CCL28: variants seen among roughly 807,000 people sequenced by gnomAD.
The protein encoded by CCL28 is C-C motif chemokine ligand 28.
In CCL28, 4 loss-of-function variants were observed where a neutral mutation model predicts 7.1. The ratio of observed to expected loss-of-function variants is 0.56; its 90% CI spans 0.28 to 1.29. CCL28 has a LOEUF of 1.29. Among genes scored for constraint, CCL28 ranks in the 50% most tolerant of loss-of-function variants. CCL28 has a pLI of 0.11. For synonymous variants in CCL28, 55 were observed against 57.8 expected, an observed-to-expected ratio of 0.95 and a Z score of 0.22; for missense variants, 151 against 163.4, an observed-to-expected ratio of 0.92 and a Z score of 0.41.
At chr5:43,369,994 T>G in the CCL28 span, among the ~76,000 whole-genome samples, 1 of 152,180 alleles carries the variant, frequency 6.6e-6, no homozygotes, top group African/African-American at 2.4e-5. Context: ...GGAGAAAGAC[T>G]AGATCCTGTG....
At chr5:43,375,636 TATGCACAAG>T (rs1332307421), downstream of CCL28, among the ~76,000 whole-genome samples, 3 of 152,100 alleles carry the variant, frequency 2.0e-5, no homozygotes, top group African/African-American at 7.2e-5. Context: ...AAGAGCTTCA[TATGCACAAG>T]TGGTCATCTC....
chr5:43,407,110 G>C (rs957294526), intron 1 of CCL28, among the ~76,000 whole-genome samples: 2 of 152,262 alleles, frequency 1.3e-5, no homozygotes, highest in Admixed American at 1.3e-4. Flanking sequence ...GAAGCTACCA[G>C]TGACTTTCTT....
At chr5:43,409,115 A>G (rs1028726883) in intron 1 of CCL28, among the ~76,000 whole-genome samples, 4 of 152,008 alleles carry the variant, frequency 2.6e-5, no homozygotes, top group African/African-American at 7.2e-5. Context: ...CTATCTCTAC[A>G]AGAAAAATTT....
chr5:43,394,060 T>C (rs113975011), intron 1 of CCL28, among the ~76,000 whole-genome samples: 2 of 152,204 alleles, frequency 1.3e-5, no homozygotes, highest in African/African-American at 2.4e-5. Context: ...GAATCTTTCA[T>C]TGGCAGGATT....
rs1282970010 is a variant in CCL28, at chr5:43,388,336, T to C, written c.191+14A>G. ...ACTGTGCAGGTTTAGACCTCCCGGC[T>C]GATGAGCACTCACATGACAGCAGCC... is the stretch of plus-strand genomic sequence containing the variant. On this transcript the variant is annotated intron_variant, in intron 2 of 2. Coordinates refer to ENST00000361115, the MANE Select transcript of CCL28 (RefSeq NM_148672.3). 8.7e-6 allele frequency: 14 copies of C among 1,613,996 alleles called. No individual in the cohort carries two copies. The highest frequency in any genetic ancestry group is 1.2e-5 in the Non-Finnish European group (14 of 1,179,946).
the CCL28 span, among the ~76,000 whole-genome samples, chr5:43,363,756 A>C: frequency 1.3e-5 from 2 of 152,102 alleles, no homozygotes; most frequent in African/African-American, 2.4e-5. Context: ...CCTCTTTCCC[A>C]AAAAGCTCTT....
intron 1 of CCL28, among the ~76,000 whole-genome samples, chr5:43,392,835 C>A (rs1312996470): frequency 1.3e-5 from 2 of 152,088 alleles, no homozygotes; most frequent in South Asian, 2.1e-4. Flanking sequence ...TATAAGAACT[C>A]ATAAAATATT....
chr5:43,366,649 T>C, the CCL28 span, among the ~76,000 whole-genome samples: 1 of 152,242 alleles, frequency 6.6e-6, no homozygotes, highest in Non-Finnish European at 1.5e-5. Flanking sequence ...GAAGGCAGTC[T>C]GTCCCTTAGC....
chr5:43,391,231 T>C (rs546344481), intron 1 of CCL28, among the ~76,000 whole-genome samples: 6 of 152,220 alleles, frequency 3.9e-5, no homozygotes, highest in Non-Finnish European at 7.4e-5. Flanking sequence ...GGATAGAATA[T>C]GAATAGGGCA....
chr5:43,412,273 G>C lies in CCL28; in HGVS notation c.44C>G (p.Ala15Gly). The C allele has an allele frequency of 6.2e-7, 1 of 1,612,108 alleles. No individual in the cohort carries two copies. Among genetic ancestry groups the C allele is most frequent in the Non-Finnish European group, 8.5e-7 (1 of 1,178,980 alleles). Reference sequence around the variant, plus strand: ...CTCACCTTCTGAGGCATGTAGGGCCGCACAGACAGCCAAGGCCACGATGGC... The same window carrying C: ...CTCACCTTCTGAGGCATGTAGGGCCCCACAGACAGCCAAGGCCACGATGGC... ...GLAIVALAVC[A>G]ALHASEAILP... The change falls in exon 1 of 3, where the codon GCG becomes GGG. Residue 15 changes from alanine (A) to glycine (G), a missense_variant. Ala to Gly is a moderately conservative substitution (Grantham distance 60, BLOSUM62 0). Coordinates refer to ENST00000361115, the MANE Select transcript of CCL28 (RefSeq NM_148672.3).
rs150869503 is a variant in CCL28, at chr5:43,384,648, T to C, written c.192-2596A>G. Among the ~76,000 whole-genome samples, 1,223 of 152,162 alleles carry C rather than the reference T, an allele frequency of 8.0e-3. 20 individuals carry two copies. The highest frequency in any genetic ancestry group is 0.027 in the African/African-American group (1,137 of 41,514). On this transcript the variant is annotated intron_variant, in intron 2 of 2. Transcript: ENST00000361115. Reference sequence around the variant, plus strand: ...AATCCTGAGGCCAATCCCCCTTTTTTTTTTTCTTAACCCTCAGGAGGATAG... The same window carrying C: ...AATCCTGAGGCCAATCCCCCTTTTTCTTTTTCTTAACCCTCAGGAGGATAG...
intron 1 of CCL28, among the ~76,000 whole-genome samples, chr5:43,391,584 T>C (rs1265390893): frequency 6.6e-6 from 1 of 152,210 alleles, no homozygotes; most frequent in East Asian, 1.9e-4. Context: ...ACCTATATAC[T>C]CATCACCCAA....
the CCL28 span, among the ~76,000 whole-genome samples, chr5:43,366,959 GCTTTGTTTACACTGCATTTGTGTTTACA>G: frequency 6.6e-6 from 1 of 152,222 alleles, no homozygotes; most frequent in Admixed American, 6.5e-5. Flanking sequence ...TTGTGTTTAT[GCTTTGTTTACACTGCATTTGTGTTTACA>G]CTTTGTTTAC....
chr5:43,393,925 C>G (rs566238450), intron 1 of CCL28, among the ~76,000 whole-genome samples: 2 of 152,310 alleles, frequency 1.3e-5, no homozygotes, highest in South Asian at 4.1e-4. Flanking sequence ...GTTATTCTTT[C>G]TTCTGCTATG....
intron 2 of CCL28, chr5:43,384,188 G>C (rs1378105168): frequency 6.5e-6 from 1 of 153,754 alleles, no homozygotes; most frequent in Non-Finnish European, 1.5e-5. Flanking sequence ...AAATAAGAGA[G>C]ATGGGATTCA....
At chr5:43,389,958 G>A (rs1740505717) in intron 1 of CCL28, among the ~76,000 whole-genome samples, 1 of 152,122 alleles carries the variant, frequency 6.6e-6, no homozygotes, top group Non-Finnish European at 1.5e-5. Context: ...CCCCCTAGAG[G>A]TTCCCTCCTG....
the CCL28 span, among the ~76,000 whole-genome samples, chr5:43,362,472 A>G: frequency 6.6e-6 from 1 of 152,158 alleles, no homozygotes; most frequent in East Asian, 1.9e-4. Flanking sequence ...TATTTATACA[A>G]ATATTATTTA....
intron 1 of CCL28, among the ~76,000 whole-genome samples, chr5:43,400,243 T>C (rs1456962410): frequency 3.3e-5 from 5 of 152,194 alleles, no homozygotes; most frequent in Admixed American, 3.3e-4. Flanking sequence ...GTCCCTGTTT[T>C]GGTTCTGTCT....
At chr5:43,360,757 C>T in the CCL28 span, among the ~76,000 whole-genome samples, 1 of 152,078 alleles carries the variant, frequency 6.6e-6, no homozygotes, top group South Asian at 2.1e-4. Flanking sequence ...ACATCCTTTG[C>T]CCACTTTCTA....
Sources: gnomAD v4.1 joint callset for allele counts (sites outside exome capture counted in the v4.1 genomes callset) on GRCh38, gnomAD v4.1.1 for gene constraint, MANE v1.5 for transcripts, NCBI Gene and HGNC (gene_info 2026-07-23, HGNC 2026-07-21) for gene names.